MFHAS1: variants seen among roughly 807,000 people sequenced by gnomAD.
The protein encoded by MFHAS1 is multifunctional ROCO family signaling regulator 1.
Under a neutral mutation model 70.4 loss-of-function variants are expected in MFHAS1, and 50 were observed. The ratio of observed to expected loss-of-function variants is 0.71; its 90% CI spans 0.57 to 0.90. MFHAS1 has a LOEUF of 0.90. MFHAS1 is among the 40% of genes least tolerant of loss of function. The probability of loss-of-function intolerance (pLI) is 0.00; values close to 1 mark genes in which losing one functional copy is unlikely to be tolerated. For synonymous variants in MFHAS1, 952 were observed against 620.0 expected, an observed-to-expected ratio of 1.54 and a Z score of -7.96; for missense variants, 1,795 against 1,347.6, an observed-to-expected ratio of 1.33 and a Z score of -5.20.
intron 1 of MFHAS1, among the ~76,000 whole-genome samples, chr8:8,808,503 G>C (rs1377785398): frequency 6.6e-6 from 1 of 152,210 alleles, no homozygotes; most frequent in Non-Finnish European, 1.5e-5. Context: ...CTGCCAAAGA[G>C]AAGCTGTTAA....
At chr8:8,840,426 T>C (rs919967944) in intron 1 of MFHAS1, among the ~76,000 whole-genome samples, 36 of 138,922 alleles carry the variant, frequency 2.6e-4, no homozygotes, top group Admixed American at 1.5e-3. Flanking sequence ...CACTGCACTC[T>C]AGCCTGGGCC....
chr8:8,867,131 A>T (rs996116837), intron 1 of MFHAS1, among the ~76,000 whole-genome samples: 1 of 152,196 alleles, frequency 6.6e-6, no homozygotes, highest in Non-Finnish European at 1.5e-5. Context: ...AGATTAAAGG[A>T]AACAAGATAA....
At chr8:8,790,404 C>T (rs1207100061) in intron 2 of MFHAS1, 1 of 984,538 alleles carries the variant, frequency 1.0e-6, no homozygotes, top group Non-Finnish European at 1.2e-6. Flanking sequence ...CTATCTTTTC[C>T]ACTTAATTTT....
At chr8:8,813,388 C>T (rs1016186218) in intron 1 of MFHAS1, among the ~76,000 whole-genome samples, 23 of 152,170 alleles carry the variant, frequency 1.5e-4, no homozygotes, top group Admixed American at 1.3e-3. Context: ...TCAGGCAGGC[C>T]CTTCGGGAGG....
chr8:8,849,107 G>C (rs1424689879), intron 1 of MFHAS1, among the ~76,000 whole-genome samples: 1 of 107,588 alleles, frequency 9.3e-6, no homozygotes, highest in African/African-American at 3.7e-5. Context: ...GAGACATAGA[G>C]TCTAGCTCTG....
chr8:8,861,458 C>T (rs1808657859), intron 1 of MFHAS1, among the ~76,000 whole-genome samples: 1 of 152,112 alleles, frequency 6.6e-6, no homozygotes, highest in Admixed American at 6.5e-5. Context: ...CCACTTACCA[C>T]AATATTCATA....
chr8:8,854,073 G>A lies in MFHAS1; in HGVS notation c.2998+35988C>T, dbSNP rs191923082. On this transcript the variant is annotated intron_variant, in intron 1 of 2. Coordinates refer to ENST00000276282, the MANE Select transcript of MFHAS1 (RefSeq NM_004225.3). ...GAGCAAAAAATCCTTTGTAAGTCAT[G>A]GGCATTGTATAAGGTTGCCCAATTT... Among the ~76,000 whole-genome samples the A allele has an allele frequency of 3.3e-5, 5 of 152,238 alleles. No homozygotes were observed. In the East Asian group the frequency reaches 9.6e-4, roughly 29 times the overall value.
intron 1 of MFHAS1, among the ~76,000 whole-genome samples, chr8:8,883,200 C>T (rs1013216484): frequency 2.6e-5 from 4 of 152,064 alleles, no homozygotes; most frequent in African/African-American, 9.7e-5. Context: ...CCAGAGAGGA[C>T]TGAGACCTGA....
chr8:8,851,420 G>C (rs573291996), intron 1 of MFHAS1, among the ~76,000 whole-genome samples: 1 of 152,244 alleles, frequency 6.6e-6, no homozygotes, highest in South Asian at 2.1e-4. Flanking sequence ...GAAATGCATG[G>C]ACAGGTTCAG....
At chr8:8,872,603 A>G (rs1390509575) in intron 1 of MFHAS1, among the ~76,000 whole-genome samples, 1 of 152,172 alleles carries the variant, frequency 6.6e-6, no homozygotes, top group South Asian at 2.1e-4. Flanking sequence ...GAGGAGGCTC[A>G]GATGCATAGG....
At chr8:8,858,825 T>C (rs1321252184) in intron 1 of MFHAS1, among the ~76,000 whole-genome samples, 2 of 152,098 alleles carry the variant, frequency 1.3e-5, no homozygotes, top group East Asian at 3.8e-4. Flanking sequence ...ACACTCATGA[T>C]TCAGACCAAA....
rs1810102051 is a variant in MFHAS1 at position 8,892,453 on chromosome 8, C to G, written c.606G>C (p.Gln202His). 6.2e-7 allele frequency: 1 copy of G among 1,610,134 alleles called. No homozygotes were observed. Among genetic ancestry groups the G allele is most frequent in the Non-Finnish European group, 8.5e-7 (1 of 1,178,454 alleles). ...QLTAFPRQLL[Q>H]LVALEELDVS... ...CGTCCAGCTCCTCCAGGGCCACCAGCTGCAGCAGCTGCCGGGGGAAGGCAG... is the reference window on the plus strand; with the variant it reads ...CGTCCAGCTCCTCCAGGGCCACCAGGTGCAGCAGCTGCCGGGGGAAGGCAG... Residue 202 changes from glutamine (Q) to histidine (H), a missense_variant, in exon 1 of 3, where the codon CAG becomes CAC. Coordinates refer to ENST00000276282, the MANE Select transcript of MFHAS1 (RefSeq NM_004225.3). The surrounding 1 kb of genome is among the most constrained non-coding windows in gnomAD (Gnocchi z 4.7).
At chr8:8,879,194 C>CA (rs959064258) in intron 1 of MFHAS1, among the ~76,000 whole-genome samples, 9 of 151,540 alleles carry the variant, frequency 5.9e-5, no homozygotes, top group African/African-American at 2.2e-4. Context: ...ACTAAAAATA[C>CA]AAAAAAAACT....
At chr8:8,842,391 C>T (rs1807865395) in intron 1 of MFHAS1, among the ~76,000 whole-genome samples, 1 of 152,024 alleles carries the variant, frequency 6.6e-6, no homozygotes, top group African/African-American at 2.4e-5. Flanking sequence ...TCACCACGTT[C>T]ACCAGGCTGA....
chr8:8,888,707 A>G lies in MFHAS1; in HGVS notation c.2998+1354T>C, dbSNP rs527867509. Among the ~76,000 whole-genome samples the G allele has an allele frequency of 3.3e-5, 5 of 152,234 alleles. No homozygotes were observed. In the South Asian group the frequency reaches 1.0e-3, roughly 32 times the overall value. ...ATCTGTGGTTGCCGGGGTTGGGGGG[A>G]ATGAATTGGCAGAGCACAGAGGATT... is the stretch of plus-strand genomic sequence containing the variant. On this transcript the variant is annotated intron_variant, in intron 1 of 2. Transcript: ENST00000276282.
chr8:8,800,139 G>A (rs898421852), intron 1 of MFHAS1, among the ~76,000 whole-genome samples: 9 of 152,232 alleles, frequency 5.9e-5, no homozygotes, highest in Non-Finnish European at 1.5e-5. Flanking sequence ...GAACTAAGCG[G>A]CATACTTTTA....
chr8:8,817,230 A>T (rs551650591), intron 1 of MFHAS1, among the ~76,000 whole-genome samples: 1 of 152,274 alleles, frequency 6.6e-6, no homozygotes, highest in African/African-American at 2.4e-5. Flanking sequence ...AATCTCTGTC[A>T]GCTATGAGAA....
At chr8:8,848,653 A>T (rs1345505967) in intron 1 of MFHAS1, among the ~76,000 whole-genome samples, 2 of 152,216 alleles carry the variant, frequency 1.3e-5, no homozygotes, top group Non-Finnish European at 2.9e-5. Flanking sequence ...CGCAAGAGGT[A>T]GTTATTTTTA....
In MFHAS1 at chr8:8,892,777, C is replaced by G. The variant is rs777692497; in HGVS notation, c.282G>C (p.Leu94=). ...SALGSLRVLV[L]RRNRFARLPP... is the part of the protein sequence containing the mutation. ...GCAGCCGGGCGAAGCGGTTCCTGCG[C>G]AGGACCAGGACGCGCAGGCTGCCCA... The change falls in exon 1 of 3, where the codon CTG becomes CTC. Residue 94 remains leucine (L), a synonymous_variant. Transcript: ENST00000276282. The surrounding 1 kb of genome is among the most constrained non-coding windows in gnomAD (Gnocchi z 4.7). The G allele has an allele frequency of 3.8e-6, 6 of 1,583,082 alleles. No homozygotes were observed. The highest frequency in any genetic ancestry group is 3.6e-5 in the Admixed American group (2 of 55,204).
Sources: allele counts gnomAD v4.1 joint callset (sites outside exome capture counted in the v4.1 genomes callset), GRCh38; gene constraint gnomAD v4.1.1; non-coding constraint Gnocchi (gnomAD v3.1); transcripts MANE v1.5; gene names NCBI Gene and HGNC (gene_info 2026-07-23, HGNC 2026-07-21).